The following GPC5 variants were observed in gnomAD, a reference collection of about 807,000 sequenced individuals.
GPC5 encodes the protein glypican 5.
GPC5 carries 47 observed loss-of-function variants against 53.9 expected under a neutral mutation model. The ratio of observed to expected loss-of-function variants is 0.87; its 90% CI spans 0.69 to 1.11. The LOEUF (loss-of-function observed/expected upper bound fraction) is 1.11, where lower values mean the gene tolerates loss of function less well. Among genes scored for constraint, GPC5 ranks in the 50% most tolerant of loss-of-function variants. GPC5 has a pLI of 0.00. For synonymous variants in GPC5, 286 were observed against 263.3 expected (o/e 1.09, Z -0.84); for missense variants, 748 against 713.1 (o/e 1.05, Z -0.56).
chr13:91,686,081 A>G (rs1869611935), intron 2 of GPC5, among the ~76,000 whole-genome samples: 1 of 152,214 alleles, frequency 6.6e-6, no homozygotes, highest in South Asian at 2.1e-4. Flanking sequence ...TTTAAAGATT[A>G]TTAGAAAATT....
chr13:92,111,371 C>A (rs2041555277), intron 6 of GPC5, among the ~76,000 whole-genome samples: 1 of 152,158 alleles, frequency 6.6e-6, no homozygotes, highest in Non-Finnish European at 1.5e-5. Context: ...TGGCACAAGT[C>A]TATCAGCCCA....
intron 7 of GPC5, among the ~76,000 whole-genome samples, chr13:92,706,618 A>G (rs900229468): frequency 1.3e-5 from 2 of 152,090 alleles, no homozygotes; most frequent in African/African-American, 4.8e-5. Flanking sequence ...CTGCTCCTGT[A>G]TATTCTAGTC....
chr13:91,715,751 T>G (rs2036322653), intron 3 of GPC5, among the ~76,000 whole-genome samples: 1 of 151,788 alleles, frequency 6.6e-6, no homozygotes, highest in African/African-American at 2.4e-5. Flanking sequence ...GAAGTTGTTT[T>G]TTTTTTTTTT....
chr13:92,391,304 G>T (rs1874990909), intron 7 of GPC5, among the ~76,000 whole-genome samples: 1 of 151,966 alleles, frequency 6.6e-6, no homozygotes, highest in Non-Finnish European at 1.5e-5. Context: ...TATTAGTTTT[G>T]AATTTTTACC....
chr13:91,948,566 A>G (rs911623278), intron 6 of GPC5, among the ~76,000 whole-genome samples: 2 of 152,186 alleles, frequency 1.3e-5, no homozygotes, highest in Non-Finnish European at 2.9e-5. Flanking sequence ...TCAATCAACT[A>G]AGTTATTTGT....
intron 3 of GPC5, among the ~76,000 whole-genome samples, chr13:91,696,745 A>G (rs969427053): frequency 6.6e-6 from 1 of 152,262 alleles, no homozygotes; most frequent in Non-Finnish European, 1.5e-5. Context: ...GAGAAAAATC[A>G]TAAGTACCTT....
intron 1 of GPC5, among the ~76,000 whole-genome samples, chr13:91,417,911 C>G (rs1328220190): frequency 6.6e-6 from 1 of 152,124 alleles, no homozygotes; most frequent in Admixed American, 6.5e-5. Flanking sequence ...TGTGGTTTTA[C>G]TTTCTGAGGT....
At chr13:92,451,548 A>T (rs762056810) in intron 7 of GPC5, among the ~76,000 whole-genome samples, 4 of 152,166 alleles carry the variant, frequency 2.6e-5, no homozygotes, top group Non-Finnish European at 5.9e-5. Flanking sequence ...GATTAACGTT[A>T]TGTATATGAA....
chr13:92,572,513 T>A (rs1883061885), intron 7 of GPC5, among the ~76,000 whole-genome samples: 3 of 152,168 alleles, frequency 2.0e-5, no homozygotes. Flanking sequence ...CACACTGATG[T>A]CACAGAAGCA....
chr13:92,582,961 C>A (rs1213156361), intron 7 of GPC5, among the ~76,000 whole-genome samples: 3 of 152,028 alleles, frequency 2.0e-5, no homozygotes, highest in African/African-American at 4.8e-5. Flanking sequence ...ATTTTCCTTC[C>A]TATTTGGACA....
intron 1 of GPC5, among the ~76,000 whole-genome samples, chr13:91,424,742 G>A (rs1878912355): frequency 6.6e-6 from 1 of 152,138 alleles, no homozygotes. Flanking sequence ...AGCATCCCAA[G>A]GGCTTAGGAA....
Position 91,680,801 on chromosome 13 carries a change from G to T in GPC5, c.326-12386G>T, listed in dbSNP as rs147194318. Among the ~76,000 whole-genome samples, 490 of 152,226 alleles carry T rather than the reference G, an allele frequency of 3.2e-3. 5 individuals carry two copies. The highest frequency in any genetic ancestry group is 0.011 in the African/African-American group (471 of 41,548). ...TGTTCACAGATTGAATTCAGAAATA[G>T]ATGTGAGAATATAGCTCTTTTCTAT... On this transcript the variant is annotated intron_variant, in intron 2 of 7. Transcript: ENST00000377067.
chr13:91,406,741 T>C (rs1193338276), intron 1 of GPC5, among the ~76,000 whole-genome samples: 1 of 152,192 alleles, frequency 6.6e-6, no homozygotes, highest in Non-Finnish European at 1.5e-5. Flanking sequence ...CTTCTCCTTC[T>C]GGGTGGTAGC....
At chr13:91,715,577 T>A (rs1434118044) in intron 3 of GPC5, among the ~76,000 whole-genome samples, 1 of 152,118 alleles carries the variant, frequency 6.6e-6, no homozygotes, top group Non-Finnish European at 1.5e-5. Context: ...TGCTTTCCCT[T>A]CTCTGTCAGC....
intron 2 of GPC5, among the ~76,000 whole-genome samples, chr13:91,457,409 ATC>A (rs1354158258): frequency 6.6e-6 from 1 of 152,140 alleles, no homozygotes; most frequent in Non-Finnish European, 1.5e-5. Flanking sequence ...TCAATAATGT[ATC>A]TATTTTTACC....
chr13:91,883,433 A>G lies in GPC5; in HGVS notation c.1281-24504A>G, dbSNP rs191378976. On this transcript the variant is annotated intron_variant, in intron 5 of 7. Coordinates refer to ENST00000377067, the MANE Select transcript of GPC5 (RefSeq NM_004466.6). ...AAGAATATCAACCTGTTTTTGGACT[A>G]TGCTTAAAACTGTCACACATGACAA... Among the ~76,000 whole-genome samples, 90 of 152,342 alleles carry G rather than the reference A, an allele frequency of 5.9e-4. 1 individual carries two copies. The East Asian group carries it at 0.015, about 26-fold the overall frequency.
intron 2 of GPC5, among the ~76,000 whole-genome samples, chr13:91,553,728 T>A (rs945533): frequency 0.83 from 126,713 of 152,052 alleles, 53,073 homozygotes; most frequent in East Asian, 1. Flanking sequence ...ATTTCTAATG[T>A]CACTGTTTAG....
intron 5 of GPC5, among the ~76,000 whole-genome samples, chr13:91,759,840 G>A (rs2037372579): frequency 6.6e-6 from 1 of 151,916 alleles, no homozygotes; most frequent in Non-Finnish European, 1.5e-5. Flanking sequence ...GTGGAATGAT[G>A]TCAAATAATT....
intron 7 of GPC5, among the ~76,000 whole-genome samples, chr13:92,294,262 G>A (rs1379230773): frequency 6.6e-6 from 1 of 152,176 alleles, no homozygotes; most frequent in Non-Finnish European, 1.5e-5. Flanking sequence ...CTGTCAATAG[G>A]AGTGGTACCA....
Sources: allele counts gnomAD v4.1 joint callset (sites outside exome capture counted in the v4.1 genomes callset), GRCh38; gene constraint gnomAD v4.1.1; transcripts MANE v1.5; gene names NCBI Gene and HGNC (gene_info 2026-07-23, HGNC 2026-07-21).